The following MTR variants were observed in gnomAD, a reference collection of about 807,000 sequenced individuals.
MTR encodes methionine synthase.
Under a neutral mutation model 154.8 loss-of-function variants are expected in MTR, and 84 were observed. The ratio of observed to expected loss-of-function variants is 0.54; its 90% CI spans 0.45 to 0.65. The LOEUF is 0.65. Among genes scored for constraint, MTR ranks in the 30% least tolerant of loss-of-function variants. The pLI, the probability that MTR is intolerant of heterozygous loss-of-function variation, is 0.00. For synonymous variants in MTR, 554 were observed against 553.9 expected (o/e 1.00, Z 0.00); for missense variants, 1,275 against 1,570.2 (o/e 0.81, Z 3.18).
chr1:236,896,880 C>G (rs1666653549), intron 31 of MTR, 126 bp from the exon 32 acceptor site: 1 of 783,510 alleles, frequency 1.3e-6, no homozygotes, highest in Non-Finnish European at 2.3e-6. Flanking sequence ...TGTCATGTGT[C>G]TACCTAGAAG....
rs1666908794 is a variant in MTR, at chr1:236,901,327, CATTTA to C, written c.*3685_*3689del. On this transcript the variant is annotated 3_prime_UTR_variant, in exon 33 of 33. Transcript: ENST00000366577. ...GGGAGGTGTGGAAGACTTGTTGACT[CATTTA>C]AAGAAGATTGGAGGGAAAGGTAGGA... is the stretch of plus-strand genomic sequence containing the variant. 6.6e-6 allele frequency: 1 copy of C among 152,314 alleles called. No individual in the cohort carries two copies. The highest frequency in any genetic ancestry group is 1.5e-5 in the Non-Finnish European group (1 of 68,122). The allele number at this position is 152,314 out of a possible 1,614,324, so 9.4% of individuals were successfully genotyped here.
rs146839322 is a variant in MTR at position 236,889,822 on chromosome 1, A to G, written c.3007+486A>G. On this transcript the variant is annotated intron_variant, in intron 28 of 32. Transcript: ENST00000366577. Reference sequence around the variant, plus strand: ...ATGGTGTTGAAGAAAAGGTCATTCCAGGTAGAGGAGACAGTGTGAGAAGGC... The same window carrying G: ...ATGGTGTTGAAGAAAAGGTCATTCCGGGTAGAGGAGACAGTGTGAGAAGGC... Among the ~76,000 whole-genome samples, 20 of 152,318 alleles carry G rather than the reference A, an allele frequency of 1.3e-4. No homozygotes were observed. In the East Asian group the frequency reaches 3.7e-3, roughly 28 times the overall value.
rs1050061081 is a variant in MTR at position 236,889,097 on chromosome 1, G to A, written c.2852-84G>A. ...GGAGGGAGGCGGAGTGTGGGAGTTG[G>A]CAGAGCAGTGAGGAGCTGGCAGGGA... is the stretch of plus-strand genomic sequence containing the variant. On this transcript the variant is annotated intron_variant, in intron 27 of 32. Transcript: ENST00000366577. 22 of 1,539,640 alleles carry A rather than the reference G, an allele frequency of 1.4e-5. No homozygotes were observed. The African/African-American group carries it at 2.6e-4, about 18-fold the overall frequency.
chr1:236,806,231 T>G lies in MTR; in HGVS notation c.337T>G (p.Leu113Val). 1.2e-6 allele frequency: 2 copies of G among 1,611,324 alleles called. No homozygotes were observed. The highest frequency in any genetic ancestry group is 1.7e-6 in the Non-Finnish European group (2 of 1,177,442). ...CCAAGCTGACTATGGCCTTGAACACTTGGTAAGAATTCCATTGTTCCATGT... is the reference window on the plus strand; with the variant it reads ...CCAAGCTGACTATGGCCTTGAACACGTGGTAAGAATTCCATTGTTCCATGT... The part of the protein sequence containing the change: ...IAQADYGLEH[L>V]AYRMNMCSAG... The change falls in exon 3 of 33, where the codon TTG (leucine) becomes GTG (valine). Residue 113 changes from leucine (L) to valine (V), a missense_variant and splice_region_variant. Transcript: ENST00000366577.
chr1:236,875,838 G>T (rs553114391), intron 24 of MTR, among the ~76,000 whole-genome samples: 2 of 83,408 alleles, frequency 2.4e-5, no homozygotes, highest in Admixed American at 1.3e-4. Flanking sequence ...TTTATATATA[G>T]AGAGAAAGAG....
intron 4 of MTR, 87 bp downstream of exon 4, chr1:236,808,860 T>C: frequency 8.0e-7 from 1 of 1,256,260 alleles, no homozygotes; most frequent in Non-Finnish European, 1.2e-6. Flanking sequence ...AGTTTTTCCT[T>C]ATGTGGCCTT....
chr1:236,843,555 T>A (rs766976427), intron 15 of MTR, among the ~76,000 whole-genome samples: 3 of 152,212 alleles, frequency 2.0e-5, no homozygotes, highest in Non-Finnish European at 4.4e-5. Context: ...ACCTCTCTGG[T>A]TCTTTGTGGA....
At chr1:236,806,285 A>C (rs753563823) in intron 3 of MTR, 52 bp downstream of exon 3, 2 of 1,428,408 alleles carry the variant, frequency 1.4e-6, no homozygotes, top group Admixed American at 3.3e-5. Context: ...CGTTTGCTGC[A>C]TTGGTAGTTG....
Position 236,894,416 on chromosome 1 carries a change from C to G in MTR, c.3264C>G (p.Pro1088=), listed in dbSNP as rs1333621600. The change falls in exon 30 of 33, where the codon CCC becomes CCG. Residue 1088 remains proline, a synonymous_variant. Coordinates refer to ENST00000366577, the MANE Select transcript of MTR (RefSeq NM_000254.3). The part of the protein sequence containing the change: ...PYYCLSDFIA[P]LHSGIRDYLG... Reference sequence around the variant, plus strand: ...ACTGCCTCTCAGACTTCATCGCTCCCTTGCATTCTGGCATCCGTGACTACC... The same window carrying G: ...ACTGCCTCTCAGACTTCATCGCTCCGTTGCATTCTGGCATCCGTGACTACC... 6.2e-7 allele frequency: 1 copy of G among 1,614,232 alleles called. No individual in the cohort carries two copies. Among genetic ancestry groups the G allele is most frequent in the African/African-American group, 1.3e-5 (1 of 75,068 alleles).
At chr1:236,880,530 T>C (rs920835985) in intron 24 of MTR, among the ~76,000 whole-genome samples, 1 of 152,228 alleles carries the variant, frequency 6.6e-6, no homozygotes, top group African/African-American at 2.4e-5. Flanking sequence ...GGACAAGGTC[T>C]TTCTCTTCTG....
intron 22 of MTR, among the ~76,000 whole-genome samples, chr1:236,868,378 A>C (rs1209675430): frequency 6.6e-6 from 1 of 152,204 alleles, no homozygotes; most frequent in Non-Finnish European, 1.5e-5. Flanking sequence ...TAGTGTGAAC[A>C]TAACTTTTAT....
At chr1:236,842,317 CAGT>C (rs752999676) in intron 15 of MTR, among the ~76,000 whole-genome samples, 99 of 152,332 alleles carry the variant, frequency 6.5e-4, no homozygotes, top group Non-Finnish European at 1.1e-3. Context: ...TGCTGGCACT[CAGT>C]AGGCCTTTCA....
intron 15 of MTR, among the ~76,000 whole-genome samples, chr1:236,839,924 C>G (rs1046776779): frequency 2.0e-5 from 3 of 151,998 alleles, no homozygotes; most frequent in African/African-American, 4.8e-5. Flanking sequence ...GTGACATGAT[C>G]CCAACTTAAT....
At chr1:236,863,336 T>C in intron 21 of MTR, 118 bp from the exon 22 acceptor site, 1 of 820,500 alleles carries the variant, frequency 1.2e-6, no homozygotes, top group African/African-American at 1.7e-5. Context: ...GGTCTGTCTT[T>C]GAGGTGCTCT....
At chr1:236,841,732 C>A (rs1663248938) in intron 15 of MTR, among the ~76,000 whole-genome samples, 1 of 151,264 alleles carries the variant, frequency 6.6e-6, no homozygotes. Flanking sequence ...ATTTTTGAAA[C>A]CTTACGTGTC....
chr1:236,886,561 A>T (rs1666021606), intron 27 of MTR, among the ~76,000 whole-genome samples, 194 bp downstream of exon 27: 1 of 152,224 alleles, frequency 6.6e-6, no homozygotes, highest in Non-Finnish European at 1.5e-5. Flanking sequence ...TGTGTGCCAG[A>T]TACCATCCTG....
rs1322149560 is a variant in MTR, at chr1:236,812,803, A to G, written c.568A>G (p.Ile190Val). ...AKGLLDGGVD[I>V]LLIETIFDTA... Reference sequence around the variant, plus strand: ...AGGACTTCTGGATGGCGGGGTTGATATCTTACTCATTGAAACTATTTTTGA... The same window carrying G: ...AGGACTTCTGGATGGCGGGGTTGATGTCTTACTCATTGAAACTATTTTTGA... The change falls in exon 6 of 33, where the codon ATC becomes GTC. Residue 190 changes from isoleucine (I) to valine (V), a missense_variant. By Grantham distance (29) the Ile-to-Val change is conservative. Transcript: ENST00000366577. The G allele has an allele frequency of 1.2e-6, 2 of 1,614,006 alleles. No homozygotes were observed. The highest frequency in any genetic ancestry group is 2.7e-5 in the African/African-American group (2 of 74,926).
At chr1:236,893,923 G>C (rs1666473800) in intron 29 of MTR, among the ~76,000 whole-genome samples, 1 of 152,208 alleles carries the variant, frequency 6.6e-6, no homozygotes, top group Non-Finnish European at 1.5e-5. Context: ...GCTGTTGATG[G>C]AGAGTGGAGG....
At chr1:236,882,813 C>T (rs1665821084) in intron 25 of MTR, among the ~76,000 whole-genome samples, 1 of 152,208 alleles carries the variant, frequency 6.6e-6, no homozygotes, top group Non-Finnish European at 1.5e-5. Flanking sequence ...CAGTGGTTAG[C>T]TCCTCCCGTG....
Sources: allele counts gnomAD v4.1 joint callset (sites outside exome capture counted in the v4.1 genomes callset), GRCh38; gene constraint gnomAD v4.1.1; transcripts MANE v1.5; gene names NCBI Gene and HGNC (gene_info 2026-07-23, HGNC 2026-07-21).